TOX: variants seen among roughly 807,000 people sequenced by gnomAD.
The protein encoded by TOX is thymocyte selection associated high mobility group box.
TOX carries 11 observed loss-of-function variants against 53.7 expected under a neutral mutation model. That is an observed-to-expected ratio of 0.20 (90% CI 0.13 to 0.34). The LOEUF is 0.34. TOX is among the 10% of genes least tolerant of loss of function. TOX has a pLI of 1.00. For synonymous variants in TOX, 225 were observed against 245.3 expected (o/e 0.92, Z 0.77); for missense variants, 570 against 664.6 (o/e 0.86, Z 1.56).
chr8:58,985,055 T>C (rs575952555), intron 1 of TOX, among the ~76,000 whole-genome samples: 2 of 149,858 alleles, frequency 1.3e-5, no homozygotes, highest in East Asian at 1.9e-4. Context: ...CTATATATTA[T>C]ATAGATATAT....
chr8:59,073,024 T>C (rs922640088), intron 1 of TOX, among the ~76,000 whole-genome samples: 1 of 152,210 alleles, frequency 6.6e-6, no homozygotes, highest in African/African-American at 2.4e-5. Context: ...AATAATTCTC[T>C]CACATTTTTG....
chr8:59,042,174 AT>A (rs1455646428), intron 1 of TOX, among the ~76,000 whole-genome samples: 2 of 152,238 alleles, frequency 1.3e-5, no homozygotes, highest in East Asian at 3.8e-4. Context: ...AAAATCCAAG[AT>A]TACGGGAATC....
intron 1 of TOX, among the ~76,000 whole-genome samples, chr8:59,100,745 A>C (rs1804792488): frequency 1.3e-5 from 2 of 152,218 alleles, no homozygotes. Context: ...TATTCTAAAA[A>C]TATCCTGAGC....
At chr8:58,996,728 G>A (rs1813566617) in intron 1 of TOX, among the ~76,000 whole-genome samples, 1 of 152,138 alleles carries the variant, frequency 6.6e-6, no homozygotes, top group Non-Finnish European at 1.5e-5. Flanking sequence ...GCAATTTCTA[G>A]CCACATTTAT....
At position 58,814,172 on chromosome 8, in the gene TOX, G is replaced by T. The variant is rs190961063; in HGVS notation, c.1392+1166C>A. Among the ~76,000 whole-genome samples, 545 of 152,210 alleles carry T rather than the reference G, an allele frequency of 3.6e-3. 6 individuals are homozygous for T. The highest frequency in any genetic ancestry group is 0.013 in the African/African-American group (527 of 41,518). On this transcript the variant is annotated intron_variant, in intron 7 of 8. Coordinates refer to ENST00000361421, the MANE Select transcript of TOX (RefSeq NM_014729.3). The stretch of plus-strand genomic sequence containing the variant: ...ATAGTAGTAATAATAATAATGAATT[G>T]GGGACTATGTATATTTGATTTCTTT...
intron 1 of TOX, among the ~76,000 whole-genome samples, chr8:59,056,564 T>C (rs1803892616): frequency 6.6e-6 from 1 of 152,112 alleles, no homozygotes. Context: ...AGGTGCTTTC[T>C]TTACAGTGTC....
At chr8:59,035,574 CA>C (rs1194064568) in intron 1 of TOX, among the ~76,000 whole-genome samples, 2 of 152,200 alleles carry the variant, frequency 1.3e-5, no homozygotes, top group East Asian at 3.8e-4. Flanking sequence ...AAACAGAAGC[CA>C]TGCATTTCAT....
chr8:58,965,707 C>T (rs34006411), intron 1 of TOX, among the ~76,000 whole-genome samples: 1 of 151,882 alleles, frequency 6.6e-6, no homozygotes, highest in African/African-American at 2.4e-5. Context: ...TGGGTGTTTT[C>T]TGAAAGAATA....
At chr8:58,815,784 A>G in intron 6 of TOX, 60 bp from the exon 7 acceptor site, 1 of 1,525,658 alleles carries the variant, frequency 6.6e-7, no homozygotes, top group Non-Finnish European at 8.8e-7. Flanking sequence ...GATTCAAGGT[A>G]TGACGCTTTG....
chr8:59,071,067 G>GT (rs1336449399), intron 1 of TOX, among the ~76,000 whole-genome samples: 2 of 152,192 alleles, frequency 1.3e-5, no homozygotes, highest in Non-Finnish European at 1.5e-5. Flanking sequence ...GCAATTTGGT[G>GT]TAAATATTTT....
intron 7 of TOX, among the ~76,000 whole-genome samples, chr8:58,810,499 C>T (rs1810058998): frequency 6.6e-6 from 1 of 152,048 alleles, no homozygotes; most frequent in African/African-American, 2.4e-5. Flanking sequence ...GCCATTATGC[C>T]TTGCTAAATT....
chr8:58,953,178 C>A (rs1382971709), intron 2 of TOX, among the ~76,000 whole-genome samples: 1 of 151,922 alleles, frequency 6.6e-6, no homozygotes, highest in Non-Finnish European at 1.5e-5. Flanking sequence ...TAAAGTTCAA[C>A]AACATCAATG....
At position 59,065,966 on chromosome 8, in the gene TOX, C is replaced by A. The variant is rs1455941101; in HGVS notation, c.102+52920G>T. On this transcript the variant is annotated intron_variant, in intron 1 of 8. Coordinates refer to ENST00000361421, the MANE Select transcript of TOX (RefSeq NM_014729.3). ...TTTGATTGAGAGCAAAACAACAAAC[C>A]CAATTCTGAATGCTGAATTCCTCCA... Among the ~76,000 whole-genome samples the A allele has an allele frequency of 3.3e-5, 5 of 152,126 alleles. No individual in the cohort carries two copies. The South Asian group carries it at 8.3e-4, about 25-fold the overall frequency.
chr8:58,944,082 C>T (rs1200290666), intron 2 of TOX, among the ~76,000 whole-genome samples: 1 of 152,200 alleles, frequency 6.6e-6, no homozygotes, highest in African/African-American at 2.4e-5. Flanking sequence ...ACCAGCTTCT[C>T]CCTGATCTTA....
chr8:58,948,891 A>G (rs1235250295), intron 2 of TOX, among the ~76,000 whole-genome samples: 1 of 152,228 alleles, frequency 6.6e-6, no homozygotes, highest in Non-Finnish European at 1.5e-5. Context: ...GCAAAACATT[A>G]AAATGTGTGT....
intron 4 of TOX, among the ~76,000 whole-genome samples, chr8:58,841,595 C>A (rs1810643277): frequency 6.6e-6 from 1 of 152,102 alleles, no homozygotes; most frequent in Non-Finnish European, 1.5e-5. Context: ...ACATACAGCA[C>A]AATGACTATA....
chr8:58,841,948 A>G (rs1034560412), intron 4 of TOX, among the ~76,000 whole-genome samples: 1 of 152,220 alleles, frequency 6.6e-6, no homozygotes, highest in African/African-American at 2.4e-5. Context: ...ATGATCTGAC[A>G]CATTGAAATC....
intron 1 of TOX, among the ~76,000 whole-genome samples, chr8:58,975,697 G>T (rs1813084197): frequency 6.6e-6 from 1 of 152,148 alleles, no homozygotes; most frequent in Non-Finnish European, 1.5e-5. Flanking sequence ...TGCTGGTGGA[G>T]GGTCTTGCCT....
At chr8:59,015,240 G>A (rs972774966) in intron 1 of TOX, among the ~76,000 whole-genome samples, 1 of 152,216 alleles carries the variant, frequency 6.6e-6, no homozygotes, top group Admixed American at 6.5e-5. Flanking sequence ...AAATAAATAC[G>A]ATTCAGCACG....
Sources: allele counts gnomAD v4.1 joint callset (sites outside exome capture counted in the v4.1 genomes callset), GRCh38; gene constraint gnomAD v4.1.1; transcripts MANE v1.5; gene names NCBI Gene and HGNC (gene_info 2026-07-23, HGNC 2026-07-21).